The following BRINP1 variants were observed in gnomAD, a reference collection of about 807,000 sequenced individuals.
The protein encoded by BRINP1 is BMP/retinoic acid-inducible neural-specific protein 1.
In BRINP1, 17 loss-of-function variants were observed where a neutral mutation model predicts 72.9. That is an observed-to-expected ratio of 0.23 (90% CI 0.16 to 0.35). BRINP1 has a LOEUF of 0.35. BRINP1 is among the 10% of genes least tolerant of loss of function. The probability of loss-of-function intolerance (pLI) is 1.00; values close to 1 mark genes in which losing one functional copy is unlikely to be tolerated. For synonymous variants in BRINP1, 418 were observed against 378.5 expected (o/e 1.10, Z -1.21); for missense variants, 850 against 1,001.6 (o/e 0.85, Z 2.04).
chr9:119,306,577 T>G (rs1381385519), intron 2 of BRINP1, among the ~76,000 whole-genome samples: 1 of 152,240 alleles, frequency 6.6e-6, no homozygotes, highest in Non-Finnish European at 1.5e-5. Flanking sequence ...GAAGAAAAAG[T>G]GTCTTTTAAC....
In BRINP1 at chr9:119,168,017, G is replaced by A. The variant is rs1441832048; in HGVS notation, c.1353C>T (p.Asn451=). The A allele has an allele frequency of 6.2e-7, 1 of 1,613,590 alleles. No individual in the cohort carries two copies. Among genetic ancestry groups the A allele is most frequent in the East Asian group, 2.2e-5 (1 of 44,856 alleles). Reference sequence around the variant, plus strand: ...GGCCTCGATACAGCTTGTAGCCCTTGTTGCAGGAGCCGCAGAGGGAGATGT... The same window carrying A: ...GGCCTCGATACAGCTTGTAGCCCTTATTGCAGGAGCCGCAGAGGGAGATGT... The part of the protein sequence containing the change: ...LANISLCGSC[N]KGYKLYRGRC... Residue 451 remains asparagine (N), a synonymous_variant, in exon 8 of 8, where the codon AAC becomes AAT. Coordinates refer to ENST00000265922, the MANE Select transcript of BRINP1 (RefSeq NM_014618.3).
At chr9:119,336,421 T>C (rs1381064870) in intron 1 of BRINP1, among the ~76,000 whole-genome samples, 5 of 152,108 alleles carry the variant, frequency 3.3e-5, no homozygotes, top group Non-Finnish European at 7.4e-5. Flanking sequence ...GAAGTCAACT[T>C]CCCAAATTCG....
At chr9:119,266,875 A>T (rs904586406) in intron 2 of BRINP1, among the ~76,000 whole-genome samples, 1 of 152,236 alleles carries the variant, frequency 6.6e-6, no homozygotes, top group Non-Finnish European at 1.5e-5. Context: ...ATTTTGTATT[A>T]AGTGAGATGA....
intron 2 of BRINP1, among the ~76,000 whole-genome samples, chr9:119,292,447 CAT>C (rs1225931348): frequency 1.3e-5 from 2 of 152,116 alleles, no homozygotes; most frequent in African/African-American, 4.8e-5. Flanking sequence ...TCAGCTAGGA[CAT>C]TATGTTACTA....
chr9:119,188,447 T>G (rs1393110051), intron 7 of BRINP1, among the ~76,000 whole-genome samples: 1 of 152,148 alleles, frequency 6.6e-6, no homozygotes, highest in Middle Eastern at 3.2e-3. Flanking sequence ...AGAAGATTCA[T>G]CGCCACTAGA....
At chr9:119,174,456 G>C (rs923861320) in intron 7 of BRINP1, among the ~76,000 whole-genome samples, 70 of 148,448 alleles carry the variant, frequency 4.7e-4, no homozygotes, top group South Asian at 1.5e-3. Flanking sequence ...ACATTAAAAA[G>C]TCAGGAAACA....
chr9:119,302,007 A>G (rs1830944183), intron 2 of BRINP1, among the ~76,000 whole-genome samples: 1 of 152,230 alleles, frequency 6.6e-6, no homozygotes, highest in South Asian at 2.1e-4. Context: ...CAAAACTCCT[A>G]GAAATCCCTA....
intron 7 of BRINP1, among the ~76,000 whole-genome samples, chr9:119,183,536 T>A (rs1027244041): frequency 2.0e-5 from 3 of 152,198 alleles, no homozygotes; most frequent in Non-Finnish European, 4.4e-5. Context: ...TAGTTTTTGA[T>A]CTGGTGCTGG....
At chr9:119,325,895 T>C (rs780610919) in intron 1 of BRINP1, among the ~76,000 whole-genome samples, 2 of 152,184 alleles carry the variant, frequency 1.3e-5, no homozygotes, top group Non-Finnish European at 2.9e-5. Flanking sequence ...TTGCACCAAC[T>C]GAACACACTG....
At chr9:119,285,938 A>G (rs1053132940) in intron 2 of BRINP1, among the ~76,000 whole-genome samples, 1 of 152,188 alleles carries the variant, frequency 6.6e-6, no homozygotes, top group Non-Finnish European at 1.5e-5. Flanking sequence ...GGCTCAAACA[A>G]AACCACCAAC....
At chr9:119,338,239 T>C (rs1831367847) in intron 1 of BRINP1, among the ~76,000 whole-genome samples, 1 of 28,184 alleles carries the variant, frequency 3.5e-5, no homozygotes. Flanking sequence ...TGTTTTTGTT[T>C]TTGTTTCTTT....
chr9:119,274,435 T>G (rs1020766758), intron 2 of BRINP1, among the ~76,000 whole-genome samples: 3 of 152,174 alleles, frequency 2.0e-5, no homozygotes, highest in African/African-American at 7.2e-5. Flanking sequence ...CAAACGGATT[T>G]GGTTGAGATT....
At chr9:119,363,721 G>A (rs771520410) in intron 1 of BRINP1, among the ~76,000 whole-genome samples, 3 of 152,038 alleles carry the variant, frequency 2.0e-5, no homozygotes, top group Admixed American at 6.5e-5. Flanking sequence ...CTAAAGCCCA[G>A]ACCTGTGCTA....
intron 7 of BRINP1, among the ~76,000 whole-genome samples, chr9:119,185,078 G>C (rs1829602301): frequency 6.6e-6 from 1 of 152,056 alleles, no homozygotes; most frequent in Admixed American, 6.6e-5. Flanking sequence ...ATCTCACAGT[G>C]GGTCCAGTGG....
At chr9:119,268,333 C>G (rs997330114) in intron 2 of BRINP1, among the ~76,000 whole-genome samples, 1 of 148,650 alleles carries the variant, frequency 6.7e-6, no homozygotes, top group South Asian at 2.1e-4. Context: ...CGAAACTCTA[C>G]CATAGCTGAT....
At chr9:119,216,460 C>T (rs566815801) in intron 5 of BRINP1, among the ~76,000 whole-genome samples, 1 of 152,282 alleles carries the variant, frequency 6.6e-6, no homozygotes, top group African/African-American at 2.4e-5. Context: ...CATACCAAAA[C>T]GTGAGGTAAA....
At chr9:119,249,918 AAGGGAGAG>A (rs1317951642) in intron 2 of BRINP1, among the ~76,000 whole-genome samples, 1 of 113,026 alleles carries the variant, frequency 8.8e-6, no homozygotes, top group African/African-American at 3.7e-5. Flanking sequence ...GGACCGGATG[AAGGGAGAG>A]AGGGAGAGAG....
At chr9:119,222,540 G>A (rs1564221372) in intron 5 of BRINP1, among the ~76,000 whole-genome samples, 1 of 151,842 alleles carries the variant, frequency 6.6e-6, no homozygotes, top group Admixed American at 6.6e-5. Flanking sequence ...CTGTGCTGTT[G>A]TTTATTCATT....
chr9:119,262,550 G>A (rs1830506707), intron 2 of BRINP1, among the ~76,000 whole-genome samples: 1 of 151,620 alleles, frequency 6.6e-6, no homozygotes, highest in Admixed American at 6.6e-5. Context: ...GGAGGCTGAG[G>A]CAGGAGAATT....
Sources: allele counts gnomAD v4.1 joint callset (sites outside exome capture counted in the v4.1 genomes callset), GRCh38; gene constraint gnomAD v4.1.1; transcripts MANE v1.5; gene names NCBI Gene and HGNC (gene_info 2026-07-23, HGNC 2026-07-21).